The following CTNND2 variants were observed in gnomAD, a reference collection of about 807,000 sequenced individuals.
CTNND2 encodes the protein catenin delta 2, also known as catenin delta-2.
In CTNND2, 22 loss-of-function variants were observed where a neutral mutation model predicts 144.4. The ratio of observed to expected loss-of-function variants is 0.15; its 90% CI spans 0.11 to 0.22. CTNND2 has a LOEUF of 0.22. Ranked by LOEUF, CTNND2 falls within the 10% of genes least tolerant of loss-of-function variation. The pLI is 1.00. For missense variants in CTNND2, 1,353 were observed against 1,618.8 expected (o/e 0.84, Z 2.82); for synonymous variants, 751 against 695.6 (o/e 1.08, Z -1.25).
At chr5:11,508,572 A>AT (rs1156359178) in intron 3 of CTNND2, 1 of 152,204 alleles carries the variant, frequency 6.6e-6, no homozygotes, top group East Asian at 1.9e-4. Context: ...TCATGTGAAG[A>AT]TAAAAAAAAA....
At chr5:11,814,308 G>A (rs1052030742) in intron 1 of CTNND2, among the ~76,000 whole-genome samples, 15 of 152,286 alleles carry the variant, frequency 9.8e-5, no homozygotes, top group East Asian at 5.8e-4. Flanking sequence ...AACTGAAGGC[G>A]TCTTGACATT....
intron 1 of CTNND2, among the ~76,000 whole-genome samples, chr5:11,801,793 T>A (rs1371899799): frequency 6.6e-6 from 1 of 152,174 alleles, no homozygotes; most frequent in African/African-American, 2.4e-5. Context: ...TAATTCTGAG[T>A]TGCATATAGT....
chr5:11,600,044 T>A (rs1464154553), intron 2 of CTNND2, among the ~76,000 whole-genome samples: 2 of 152,286 alleles, frequency 1.3e-5, no homozygotes, highest in South Asian at 2.1e-4. Context: ...AAACTATAAA[T>A]ATGGATCTGA....
chr5:11,277,870 A>G (rs993246903), intron 9 of CTNND2, among the ~76,000 whole-genome samples: 1 of 152,024 alleles, frequency 6.6e-6, no homozygotes. Context: ...GGAAACAACA[A>G]TACCCAAGTG....
At chr5:11,643,090 C>A (rs1284069800) in intron 2 of CTNND2, among the ~76,000 whole-genome samples, 1 of 152,124 alleles carries the variant, frequency 6.6e-6, no homozygotes, top group Non-Finnish European at 1.5e-5. Flanking sequence ...CAGTTATAAT[C>A]TATGTAAGCA....
At chr5:11,354,150 G>A (rs187090557) in intron 8 of CTNND2, among the ~76,000 whole-genome samples, 2 of 152,282 alleles carry the variant, frequency 1.3e-5, no homozygotes, top group African/African-American at 4.8e-5. Flanking sequence ...GGTTTCACAC[G>A]AGGCTCAACA....
intron 1 of CTNND2, among the ~76,000 whole-genome samples, chr5:11,792,715 A>G (rs1791200369): frequency 6.6e-6 from 1 of 152,236 alleles, no homozygotes; most frequent in African/African-American, 2.4e-5. Context: ...TCTTTTAATT[A>G]TCAAATTCCA....
At chr5:11,261,645 C>T (rs182654600) in intron 9 of CTNND2, among the ~76,000 whole-genome samples, 8 of 152,228 alleles carry the variant, frequency 5.3e-5, no homozygotes, top group Admixed American at 3.9e-4. Context: ...AAAACATCCT[C>T]GTGTCTCACC....
intron 2 of CTNND2, among the ~76,000 whole-genome samples, chr5:11,606,497 T>C (rs952493016): frequency 1.3e-5 from 2 of 152,058 alleles, no homozygotes; most frequent in African/African-American, 2.4e-5. Context: ...GAGGGATCAT[T>C]TACTGAGATA....
chr5:11,649,069 ATTAAT>A (rs1391341771), intron 2 of CTNND2, among the ~76,000 whole-genome samples: 36 of 152,212 alleles, frequency 2.4e-4, no homozygotes, highest in African/African-American at 8.2e-4. Context: ...TCCTCCAAAT[ATTAAT>A]TTAAAAAGTC....
chr5:11,279,117 G>C (rs912950120), intron 9 of CTNND2, among the ~76,000 whole-genome samples: 1 of 152,144 alleles, frequency 6.6e-6, no homozygotes, highest in Non-Finnish European at 1.5e-5. Context: ...CCATGGGACT[G>C]TCTTGGGCAG....
chr5:11,633,957 T>C (rs1450384379), intron 2 of CTNND2, among the ~76,000 whole-genome samples: 6 of 152,060 alleles, frequency 3.9e-5, no homozygotes, highest in Non-Finnish European at 7.4e-5. Context: ...TTTTCTTGGG[T>C]GATTTCCCCC....
chr5:11,540,369 T>A (rs1450632373), intron 3 of CTNND2, among the ~76,000 whole-genome samples: 2 of 152,218 alleles, frequency 1.3e-5, no homozygotes, highest in African/African-American at 2.4e-5. Flanking sequence ...CCCTTCACCT[T>A]TGTATCTTGC....
intron 14 of CTNND2, among the ~76,000 whole-genome samples, chr5:11,109,986 T>C (rs1752796843): frequency 1.3e-5 from 2 of 152,218 alleles, no homozygotes; most frequent in Admixed American, 6.5e-5. Context: ...TTTTTCACTT[T>C]ACTTGTGAAA....
intron 2 of CTNND2, among the ~76,000 whole-genome samples, chr5:11,596,406 C>G (rs1252809480): frequency 6.6e-6 from 1 of 152,108 alleles, no homozygotes; most frequent in Non-Finnish European, 1.5e-5. Flanking sequence ...TATGTCATTG[C>G]CCTTGGCTGA....
At chr5:11,396,090 T>G (rs1379137750) in intron 6 of CTNND2, among the ~76,000 whole-genome samples, 1 of 152,250 alleles carries the variant, frequency 6.6e-6, no homozygotes, top group South Asian at 2.1e-4. Context: ...AGAGGAAGGG[T>G]TCCTGGAAGA....
rs111694087 is a variant in CTNND2, at chr5:11,687,289, C to T, written c.174+44847G>A. ...CTGTCACATGTACCCAACTGCATTG[C>T]AAAGGCAACAAGGGGCCGTGATCAT... On this transcript the variant is annotated intron_variant, in intron 2 of 21. Coordinates refer to ENST00000304623, the MANE Select transcript of CTNND2 (RefSeq NM_001332.4). Among the ~76,000 whole-genome samples, 353 of 152,360 alleles carry T rather than the reference C, an allele frequency of 2.3e-3. 2 individuals carry two copies. Among genetic ancestry groups the T allele is most frequent in the Middle Eastern group, 6.8e-3 (2 of 294 alleles).
intron 2 of CTNND2, among the ~76,000 whole-genome samples, chr5:11,578,643 A>G (rs1230318754): frequency 1.3e-5 from 2 of 151,776 alleles, no homozygotes; most frequent in African/African-American, 4.8e-5. Flanking sequence ...CCTGGGCGAC[A>G]GAGCGAGACT....
intron 2 of CTNND2, among the ~76,000 whole-genome samples, chr5:11,724,841 A>G (rs189317315): frequency 2.7e-3 from 405 of 152,276 alleles, no homozygotes; most frequent in Non-Finnish European, 4.1e-3. Context: ...AAATGACTAA[A>G]TCTATTGACT....
Sources: allele counts gnomAD v4.1 joint callset (sites outside exome capture counted in the v4.1 genomes callset), GRCh38; gene constraint gnomAD v4.1.1; transcripts MANE v1.5; gene names NCBI Gene and HGNC (gene_info 2026-07-23, HGNC 2026-07-21).